SOD2: variants seen among roughly 807,000 people sequenced by gnomAD.
SOD2 encodes the protein superoxide dismutase [Mn], mitochondrial.
SOD2 carries 11 observed loss-of-function variants against 27.0 expected under a neutral mutation model. The observed-to-expected ratio is 0.41, with a 90% CI of 0.26 to 0.67. SOD2 has a LOEUF of 0.67. Ranked by LOEUF, SOD2 falls within the 30% of genes least tolerant of loss-of-function variation. The probability of loss-of-function intolerance (pLI) is 0.34; values close to 1 mark genes in which losing one functional copy is unlikely to be tolerated. For missense variants in SOD2, 250 were observed against 274.5 expected (o/e 0.91, Z 0.63); for synonymous variants, 105 against 103.0 (o/e 1.02, Z -0.12).
chr6:159,721,221 C>A (rs1778033926), intron 1 of SOD2, among the ~76,000 whole-genome samples: 1 of 151,994 alleles, frequency 6.6e-6, no homozygotes, highest in Non-Finnish European at 1.5e-5. Context: ...GTGACCACCA[C>A]CACGCCTGGC....
intron 1 of SOD2, among the ~76,000 whole-genome samples, chr6:159,712,410 GATCACCATAACC>G (rs1198233018): frequency 1.1e-5 from 1 of 88,942 alleles, no homozygotes; most frequent in Non-Finnish European, 2.5e-5. Flanking sequence ...ACACTGCTCT[GATCACCATAACC>G]ACCTCCATAA....
At chr6:159,714,714 G>A (rs186607227) in intron 1 of SOD2, among the ~76,000 whole-genome samples, 1 of 152,304 alleles carries the variant, frequency 6.6e-6, no homozygotes, top group Admixed American at 6.5e-5. Flanking sequence ...CAGCCCACTG[G>A]CATTTTCATC....
At chr6:159,683,875 C>A (rs1397553659) in intron 4 of SOD2, among the ~76,000 whole-genome samples, 5 of 152,160 alleles carry the variant, frequency 3.3e-5, no homozygotes, top group Non-Finnish European at 7.3e-5. Context: ...TGAAGTGAGC[C>A]ACAGATCAAG....
At chr6:159,685,716 T>C (rs1285025850) in intron 3 of SOD2, among the ~76,000 whole-genome samples, 1 of 150,844 alleles carries the variant, frequency 6.6e-6, no homozygotes, top group East Asian at 2.0e-4. Flanking sequence ...CAGTGTCTGT[T>C]GCTGCCATTT....
At chr6:159,740,681 A>C (rs1779197778) in intron 1 of SOD2, among the ~76,000 whole-genome samples, 1 of 151,212 alleles carries the variant, frequency 6.6e-6, no homozygotes, top group South Asian at 2.1e-4. Context: ...TGGTATTAGG[A>C]AGGTTTTTTT....
chr6:159,721,513 C>T (rs1022908722), intron 1 of SOD2, among the ~76,000 whole-genome samples: 1 of 152,040 alleles, frequency 6.6e-6, no homozygotes, highest in Non-Finnish European at 1.5e-5. Flanking sequence ...GGATTACAGG[C>T]ATGTGCCACC....
chr6:159,728,335 A>T (rs932247603), upstream of SOD2, among the ~76,000 whole-genome samples: 7 of 152,208 alleles, frequency 4.6e-5, no homozygotes, highest in South Asian at 1.2e-3. Flanking sequence ...TCTTGTTTTG[A>T]TAAGAAAGTC....
intron 3 of SOD2, 111 bp from the exon 4 acceptor site, chr6:159,685,144 A>T (rs1484262281): frequency 1.7e-6 from 1 of 592,016 alleles, no homozygotes; most frequent in Non-Finnish European, 2.6e-6. Flanking sequence ...CCAAGAAATT[A>T]GACAACATCA....
At chr6:159,683,498 C>T (rs1780050534) in intron 4 of SOD2, among the ~76,000 whole-genome samples, 1 of 152,162 alleles carries the variant, frequency 6.6e-6, no homozygotes. Flanking sequence ...CACACAAAAA[C>T]ACTCAAAATA....
At chr6:159,733,230 CAG>C (rs912150290) in intron 1 of SOD2, among the ~76,000 whole-genome samples, 3 of 152,124 alleles carry the variant, frequency 2.0e-5, no homozygotes, top group Admixed American at 2.0e-4. Flanking sequence ...CTTCATAGGA[CAG>C]AGTGACTTGC....
chr6:159,753,789 T>A (rs1779904412), intron 1 of SOD2, among the ~76,000 whole-genome samples: 1 of 152,020 alleles, frequency 6.6e-6, no homozygotes, highest in South Asian at 2.1e-4. Flanking sequence ...CCATATAATT[T>A]TAGTTTGTTT....
intron 4 of SOD2, 60 bp downstream of exon 4, chr6:159,684,794 A>T: frequency 7.6e-7 from 1 of 1,312,598 alleles, no homozygotes; most frequent in Non-Finnish European, 1.0e-6. Flanking sequence ...CCTTATTTCT[A>T]GTTGAATGCT....
chr6:159,719,731 C>CCTT (rs1554261950), intron 1 of SOD2, among the ~76,000 whole-genome samples: 1 of 141,334 alleles, frequency 7.1e-6, no homozygotes, highest in Admixed American at 7.1e-5. Flanking sequence ...CTTTTATTTT[C>CCTT]TTTTTTTTTT....
In SOD2 at chr6:159,676,943, A is replaced by G. The variant is rs766735097; in HGVS notation, c.*5550T>C. 2.7e-5 allele frequency: 4 copies of G among 149,206 alleles called. No individual in the cohort carries two copies. The highest frequency in any genetic ancestry group is 4.9e-5 in the African/African-American group (2 of 40,716). The allele number at this position is 149,206 out of a possible 1,614,324, so 9.2% of individuals were successfully genotyped here. ...ATGCCCACACAAAGGCAAGCAGCAG[A>G]AGGAGGAGCAAGCATAAGGCCTTCC... is the stretch of plus-strand genomic sequence containing the variant. On this transcript the variant is annotated 3_prime_UTR_variant, in exon 5 of 5. Transcript: ENST00000538183.
intron 1 of SOD2, among the ~76,000 whole-genome samples, chr6:159,757,745 T>TA (rs1459695465): frequency 1.3e-5 from 2 of 152,154 alleles, no homozygotes; most frequent in Admixed American, 1.3e-4. Context: ...CTCAAGTGAG[T>TA]AAAAAATCCT....
chr6:159,753,381 C>T (rs1037317594), intron 1 of SOD2: 12 of 1,586,882 alleles, frequency 7.6e-6, no homozygotes, highest in Non-Finnish European at 9.5e-6. Flanking sequence ...GTATGTGTTA[C>T]ATCTATCACT....
At chr6:159,703,879 G>C (rs1777570392) in intron 1 of SOD2, among the ~76,000 whole-genome samples, 1 of 152,220 alleles carries the variant, frequency 6.6e-6, no homozygotes, top group Admixed American at 6.5e-5. Flanking sequence ...TGTCCTAGAT[G>C]AATGTTTCAG....
chr6:159,686,852 G>C (rs1031976846), intron 3 of SOD2, among the ~76,000 whole-genome samples: 2 of 152,008 alleles, frequency 1.3e-5, no homozygotes, highest in African/African-American at 4.8e-5. Flanking sequence ...CAAGAGACAA[G>C]AACTACATTT....
chr6:159,718,788 T>G (rs1166686630), intron 1 of SOD2, among the ~76,000 whole-genome samples: 1 of 152,174 alleles, frequency 6.6e-6, no homozygotes, highest in Non-Finnish European at 1.5e-5. Context: ...GGCTAATTGC[T>G]AACTGTGAAT....
Sources: gnomAD v4.1 joint callset for allele counts (sites outside exome capture counted in the v4.1 genomes callset) on GRCh38, gnomAD v4.1.1 for gene constraint, MANE v1.5 for transcripts, NCBI Gene and HGNC (gene_info 2026-07-23, HGNC 2026-07-21) for gene names.